Variants in CNTN5 observed in about 807,000 individuals in gnomAD.
CNTN5 encodes contactin 5.
A neutral mutation model predicts 129.1 loss-of-function variants in CNTN5; 77 were observed. The ratio of observed to expected loss-of-function variants is 0.60; its 90% CI spans 0.50 to 0.72. The LOEUF (loss-of-function observed/expected upper bound fraction) is 0.72, where lower values mean the gene tolerates loss of function less well. CNTN5 is among the 30% of genes least tolerant of loss of function. CNTN5 has a pLI of 0.00. For synonymous variants in CNTN5, 509 were observed against 465.6 expected (o/e 1.09, Z -1.20); for missense variants, 1,478 against 1,328.8 (o/e 1.11, Z -1.75).
chr11:99,173,845 T>A (rs745867689), intron 1 of CNTN5, among the ~76,000 whole-genome samples: 4 of 152,198 alleles, frequency 2.6e-5, no homozygotes. Flanking sequence ...TATTAGGCTA[T>A]TATGGCAGCC....
At chr11:99,398,610 C>G (rs934412459) in intron 2 of CNTN5, among the ~76,000 whole-genome samples, 1 of 151,908 alleles carries the variant, frequency 6.6e-6, no homozygotes, top group Non-Finnish European at 1.5e-5. Context: ...TTATATAGTA[C>G]GTAGCTTTTC....
chr11:100,160,806 C>T (rs1947421457), intron 13 of CNTN5, among the ~76,000 whole-genome samples: 1 of 151,896 alleles, frequency 6.6e-6, no homozygotes, highest in Non-Finnish European at 1.5e-5. Context: ...CTTTCCATCA[C>T]TCCTATGTGG....
intron 3 of CNTN5, among the ~76,000 whole-genome samples, chr11:99,651,545 A>G (rs1330943848): frequency 3.3e-5 from 5 of 152,126 alleles, no homozygotes; most frequent in South Asian, 2.1e-4. Context: ...TGTTTTAGCT[A>G]TTAGACTTTC....
At chr11:100,176,851 GGT>G (rs3031275) in intron 13 of CNTN5, among the ~76,000 whole-genome samples, 52,195 of 150,062 alleles carry the variant, frequency 0.35, 9,008 homozygotes, top group Middle Eastern at 0.42. Context: ...CATATAGTAT[GGT>G]GTGTGTGTGT....
chr11:100,188,449 A>G (rs954122592), intron 13 of CNTN5, among the ~76,000 whole-genome samples: 1 of 152,136 alleles, frequency 6.6e-6, no homozygotes, highest in Non-Finnish European at 1.5e-5. Flanking sequence ...AACAACAACA[A>G]GAACAAAACA....
Position 100,160,004 on chromosome 11 carries a change from G to A in CNTN5, c.1581-31122G>A, listed in dbSNP as rs191974016. On this transcript the variant is annotated intron_variant, in intron 13 of 24. Coordinates refer to ENST00000524871, the MANE Select transcript of CNTN5 (RefSeq NM_014361.4). The stretch of plus-strand genomic sequence containing the variant: ...GCAGGTTTGTTACATAGGTATACAC[G>A]TGCCATGGTGGTTTGCTGCACCCAT... 5.3e-5 allele frequency among the ~76,000 whole-genome samples: 8 copies of A among 151,802 alleles called. No homozygotes were observed. The East Asian group carries it at 1.6e-3, about 30-fold the overall frequency.
chr11:99,954,635 G>T (rs1950755367), intron 7 of CNTN5, among the ~76,000 whole-genome samples: 1 of 152,026 alleles, frequency 6.6e-6, no homozygotes, highest in Non-Finnish European at 1.5e-5. Flanking sequence ...GTTTTTTTAT[G>T]ATTACTTTGA....
chr11:100,296,668 C>A (rs951654115), intron 18 of CNTN5, among the ~76,000 whole-genome samples: 1 of 151,434 alleles, frequency 6.6e-6, no homozygotes, highest in Non-Finnish European at 1.5e-5. Context: ...CTTTTCTGGC[C>A]CAAGGAGAAT....
At chr11:99,303,265 T>C (rs190203483) in intron 1 of CNTN5, among the ~76,000 whole-genome samples, 1 of 151,994 alleles carries the variant, frequency 6.6e-6, no homozygotes, top group African/African-American at 2.4e-5. Context: ...TATGCATATG[T>C]TGAAATATCT....
intron 21 of CNTN5, among the ~76,000 whole-genome samples, chr11:100,319,217 A>G (rs533348092): frequency 1.3e-5 from 2 of 150,150 alleles, no homozygotes; most frequent in African/African-American, 4.9e-5. Context: ...CCATGGCGCA[A>G]TCTCAGCTCA....
At position 99,990,455 on chromosome 11, in the gene CNTN5, T is replaced by TACACACACACACAC. The variant is rs57175307; in HGVS notation, c.878-11563_878-11550dup. On this transcript the variant is annotated intron_variant, in intron 8 of 24. Coordinates refer to ENST00000524871, the MANE Select transcript of CNTN5 (RefSeq NM_014361.4). Reference sequence around the variant, plus strand: ...CCCTTATTTTTAGAATATATATATATACACACACACACACACACACACACA... The same window carrying TACACACACACACAC: ...CCCTTATTTTTAGAATATATATATATACACACACACACACACACACACACACACACACACACACA... Among the ~76,000 whole-genome samples the TACACACACACACAC allele has an allele frequency of 2.7e-3, 398 of 145,154 alleles. 1 individual carries two copies. The highest frequency in any genetic ancestry group is 7.5e-3 in the African/African-American group (292 of 38,878).
intron 13 of CNTN5, among the ~76,000 whole-genome samples, chr11:100,128,816 C>T (rs984306352): frequency 1.2e-4 from 19 of 152,100 alleles, no homozygotes; most frequent in Non-Finnish European, 2.6e-4. Context: ...CCTATGCCAC[C>T]CCCCTAAGCC....
chr11:100,288,465 C>T (rs536281809), intron 18 of CNTN5, among the ~76,000 whole-genome samples: 17 of 152,214 alleles, frequency 1.1e-4, no homozygotes, highest in Middle Eastern at 3.4e-3. Flanking sequence ...TCACCCAAAC[C>T]GCTCAACTAC....
At chr11:99,851,952 T>A (rs1274482716) in intron 6 of CNTN5, among the ~76,000 whole-genome samples, 1 of 152,200 alleles carries the variant, frequency 6.6e-6, no homozygotes, top group East Asian at 1.9e-4. Context: ...AATAAAATGA[T>A]TTGAATAATC....
intron 1 of CNTN5, among the ~76,000 whole-genome samples, chr11:99,132,984 C>T (rs1376966018): frequency 6.6e-6 from 1 of 152,082 alleles, no homozygotes; most frequent in Non-Finnish European, 1.5e-5. Context: ...CTGGAGGCAC[C>T]ATGTTACCCG....
At chr11:100,019,123 C>T (rs1940986156) in intron 9 of CNTN5, among the ~76,000 whole-genome samples, 1 of 151,840 alleles carries the variant, frequency 6.6e-6, no homozygotes, top group Non-Finnish European at 1.5e-5. Flanking sequence ...ACTAGTGTGT[C>T]TCAAAAGGTA....
At chr11:99,956,147 G>A (rs1950796837) in intron 7 of CNTN5, among the ~76,000 whole-genome samples, 1 of 151,744 alleles carries the variant, frequency 6.6e-6, no homozygotes, top group Non-Finnish European at 1.5e-5. Context: ...TAGGTACGTT[G>A]TCTTGGTGGA....
intron 2 of CNTN5, among the ~76,000 whole-genome samples, chr11:99,508,423 G>T (rs1486219016): frequency 2.0e-5 from 3 of 152,084 alleles, no homozygotes; most frequent in African/African-American, 7.2e-5. Context: ...CAGAGGGCCG[G>T]CTTTTGGATC....
intron 6 of CNTN5, among the ~76,000 whole-genome samples, chr11:99,899,187 A>G (rs530331959): frequency 4.6e-5 from 7 of 152,156 alleles, no homozygotes; most frequent in Admixed American, 4.6e-4. Context: ...ATAATTTGAC[A>G]TCCTTTTTCC....
Sources: allele counts gnomAD v4.1 joint callset (sites outside exome capture counted in the v4.1 genomes callset), GRCh38; gene constraint gnomAD v4.1.1; transcripts MANE v1.5; gene names NCBI Gene and HGNC (gene_info 2026-07-23, HGNC 2026-07-21).